FAM81A: variants seen among roughly 807,000 people sequenced by gnomAD.
The protein encoded by FAM81A is protein FAM81A.
In FAM81A, 19 loss-of-function variants were observed where a neutral mutation model predicts 46.7. That is an observed-to-expected ratio of 0.41 (90% confidence interval 0.28 to 0.60). The LOEUF (loss-of-function observed/expected upper bound fraction) is 0.60, where lower values mean the gene tolerates loss of function less well. FAM81A is among the 20% of genes least tolerant of loss of function. The probability of loss-of-function intolerance (pLI) is 0.34; values close to 1 mark genes in which losing one functional copy is unlikely to be tolerated. For missense variants in FAM81A, 377 were observed against 453.5 expected, an observed-to-expected ratio of 0.83 and a Z score of 1.53; for synonymous variants, 183 against 152.9, an observed-to-expected ratio of 1.20 and a Z score of -1.45.
intron 2 of FAM81A, chr15:59,408,932 C>G (rs1287788975): frequency 1.3e-5 from 2 of 152,088 alleles, no homozygotes; most frequent in Admixed American, 6.5e-5. Context: ...TGAGTTATCT[C>G]ACTTTGATTG....
intron 5 of FAM81A, 75 bp from the exon 6 acceptor site, chr15:59,508,788 G>C (rs1248408842): frequency 1.1e-5 from 11 of 1,023,642 alleles, no homozygotes; most frequent in Non-Finnish European, 1.5e-5. Flanking sequence ...ACTACAATAT[G>C]GCTTACTAAA....
intron 4 of FAM81A, among the ~76,000 whole-genome samples, chr15:59,501,043 G>C (rs988277085): frequency 2.0e-5 from 3 of 151,946 alleles, no homozygotes; most frequent in African/African-American, 2.4e-5. Context: ...TTTTCCGCCT[G>C]AGTATAGTTC....
chr15:59,484,549 G>T (rs1226554371), intron 3 of FAM81A, among the ~76,000 whole-genome samples: 1 of 152,190 alleles, frequency 6.6e-6, no homozygotes, highest in Non-Finnish European at 1.5e-5. Flanking sequence ...GAATCTGTGT[G>T]CTTTGAGGAG....
chr15:59,429,711 T>A (rs1263618367), intron 2 of FAM81A, among the ~76,000 whole-genome samples: 5 of 152,254 alleles, frequency 3.3e-5, no homozygotes, highest in African/African-American at 1.2e-4. Context: ...ATGTTTTGAC[T>A]TTTAAGTACT....
intron 2 of FAM81A, among the ~76,000 whole-genome samples, chr15:59,413,441 C>G (rs2081131384): frequency 6.6e-6 from 1 of 151,780 alleles, no homozygotes; most frequent in South Asian, 2.1e-4. Flanking sequence ...CACACACACA[C>G]ACACACACAC....
At chr15:59,477,548 G>C (rs1260486659) in intron 3 of FAM81A, among the ~76,000 whole-genome samples, 3 of 152,154 alleles carry the variant, frequency 2.0e-5, no homozygotes, top group African/African-American at 4.8e-5. Flanking sequence ...ATGTGACTCT[G>C]AACAGTTATA....
intron 6 of FAM81A, among the ~76,000 whole-genome samples, 161 bp downstream of exon 6, chr15:59,509,130 T>A (rs1481368720): frequency 6.6e-6 from 1 of 152,260 alleles, no homozygotes; most frequent in Non-Finnish European, 1.5e-5. Flanking sequence ...CACTTTTCCT[T>A]CATAATTATT....
intron 2 of FAM81A, among the ~76,000 whole-genome samples, chr15:59,419,420 G>A (rs535953855): frequency 2.6e-5 from 4 of 152,184 alleles, no homozygotes; most frequent in African/African-American, 9.6e-5. Flanking sequence ...ATTGCAACAC[G>A]TTCATCAAGG....
At chr15:59,448,197 C>T (rs1306244196) in intron 1 of FAM81A, among the ~76,000 whole-genome samples, 5 of 151,838 alleles carry the variant, frequency 3.3e-5, no homozygotes, top group South Asian at 4.2e-4. Context: ...GACAACATGG[C>T]GAAACCCCGC....
intron 2 of FAM81A, among the ~76,000 whole-genome samples, chr15:59,427,179 C>G (rs543048990): frequency 6.6e-6 from 1 of 152,164 alleles, no homozygotes; most frequent in Non-Finnish European, 1.5e-5. Context: ...GGCCTGATCT[C>G]GGCTCACTGC....
intron 3 of FAM81A, among the ~76,000 whole-genome samples, chr15:59,464,113 G>A (rs1157432147): frequency 1.3e-5 from 2 of 152,032 alleles, no homozygotes; most frequent in African/African-American, 4.8e-5. Flanking sequence ...ATAATGTCCT[G>A]CTGTTCTATC....
At chr15:59,475,334 G>A (rs951171839) in intron 3 of FAM81A, among the ~76,000 whole-genome samples, 4 of 152,070 alleles carry the variant, frequency 2.6e-5, no homozygotes, top group African/African-American at 7.2e-5. Flanking sequence ...TAGAGACAGG[G>A]TTTCACCATG....
At chr15:59,521,212 A>T (rs753519689) in intron 8 of FAM81A, 42 bp from the exon 9 acceptor site, 45 of 1,579,150 alleles carry the variant, frequency 2.8e-5, no homozygotes, top group East Asian at 2.5e-4. Context: ...ACAGCATTTT[A>T]AAAAAATTGT....
At chr15:59,423,724 A>T (rs551161119) in intron 2 of FAM81A, among the ~76,000 whole-genome samples, 17 of 152,260 alleles carry the variant, frequency 1.1e-4, no homozygotes, top group African/African-American at 4.1e-4. Flanking sequence ...AACCATTCAC[A>T]ATTAAGGAGA....
At chr15:59,512,471 CAAAAA>C (rs766904849) in intron 6 of FAM81A, among the ~76,000 whole-genome samples, 2 of 13,682 alleles carry the variant, frequency 1.5e-4, no homozygotes, top group Non-Finnish European at 3.9e-4. Context: ...AACTCCATCT[CAAAAA>C]AAAAAAAAAA....
At chr15:59,418,729 T>G (rs1198368072) in intron 2 of FAM81A, among the ~76,000 whole-genome samples, 1 of 152,198 alleles carries the variant, frequency 6.6e-6, no homozygotes, top group East Asian at 1.9e-4. Context: ...CAGACAAGCA[T>G]GTGTTTAAAT....
chr15:59,414,261 T>A (rs1015064992), intron 2 of FAM81A, among the ~76,000 whole-genome samples: 2 of 152,142 alleles, frequency 1.3e-5, no homozygotes, highest in Admixed American at 1.3e-4. Flanking sequence ...GCCCACATTC[T>A]AATTCTTGGA....
chr15:59,400,701 T>C (rs1430044372), intron 1 of FAM81A, among the ~76,000 whole-genome samples: 1 of 152,186 alleles, frequency 6.6e-6, no homozygotes, highest in Non-Finnish European at 1.5e-5. Context: ...CTTAGGTCTG[T>C]TCCAAGCTGC....
rs571105609 is a variant in FAM81A, at chr15:59,455,584, A to G, written c.-77-2966A>G. Among the ~76,000 whole-genome samples the G allele has an allele frequency of 2.6e-5, 4 of 152,336 alleles. No individual in the cohort carries two copies. The East Asian group carries it at 7.7e-4, about 29-fold the overall frequency. On this transcript the variant is annotated intron_variant, in intron 1 of 8. Transcript: ENST00000288228. Reference sequence around the variant, plus strand: ...AAAGAATCGTGATGCTAACAAACCAAGCGACCTGCCAGATATGCAGATCCT... The same window carrying G: ...AAAGAATCGTGATGCTAACAAACCAGGCGACCTGCCAGATATGCAGATCCT...
Sources: gnomAD v4.1 joint callset for allele counts (sites outside exome capture counted in the v4.1 genomes callset) on GRCh38, gnomAD v4.1.1 for gene constraint, MANE v1.5 for transcripts, NCBI Gene and HGNC (gene_info 2026-07-23, HGNC 2026-07-21) for gene names.